Variants in KCNIP4 observed in about 807,000 individuals in gnomAD.
KCNIP4 encodes the protein potassium voltage-gated channel interacting protein 4.
Under a neutral mutation model 34.0 loss-of-function variants are expected in KCNIP4, and 12 were observed. The ratio of observed to expected loss-of-function variants is 0.35; its 90% CI spans 0.23 to 0.57. KCNIP4 has a LOEUF of 0.57. Among genes scored for constraint, KCNIP4 ranks in the 20% least tolerant of loss-of-function variants. The probability of loss-of-function intolerance (pLI) is 0.83; values close to 1 mark genes in which losing one functional copy is unlikely to be tolerated. For synonymous variants in KCNIP4, 124 were observed against 102.2 expected (o/e 1.21, Z -1.29); for missense variants, 238 against 311.7 (o/e 0.76, Z 1.78).
intron 1 of KCNIP4, among the ~76,000 whole-genome samples, chr4:21,627,771 G>T (rs1264495734): frequency 1.3e-5 from 2 of 152,124 alleles, no homozygotes; most frequent in Non-Finnish European, 2.9e-5. Flanking sequence ...GAGCTTGTAA[G>T]CACCAGATAA....
chr4:21,572,220 G>C (rs185875067), intron 1 of KCNIP4, among the ~76,000 whole-genome samples: 1 of 152,264 alleles, frequency 6.6e-6, no homozygotes, highest in Non-Finnish European at 1.5e-5. Flanking sequence ...AGGCAAGTAT[G>C]TGTTTTGGCT....
chr4:20,984,676 G>A (rs543365618), intron 1 of KCNIP4, among the ~76,000 whole-genome samples: 1 of 152,306 alleles, frequency 6.6e-6, no homozygotes, highest in South Asian at 2.1e-4. Context: ...GCATTATCAG[G>A]GAGATTGATT....
intron 2 of KCNIP4, 111 bp from the exon 3 acceptor site, chr4:20,850,778 A>G (rs751203200): frequency 1.5e-4 from 197 of 1,296,806 alleles, no homozygotes; most frequent in Non-Finnish European, 2.0e-4. Context: ...GTGACTGTCC[A>G]CAGAGGAAGG....
chr4:21,457,288 T>C (rs1729034054), intron 1 of KCNIP4, among the ~76,000 whole-genome samples: 1 of 152,072 alleles, frequency 6.6e-6, no homozygotes, highest in South Asian at 2.1e-4. Context: ...CCATGATCTC[T>C]TTTAATTCCT....
At chr4:21,273,728 A>T (rs1206859185) in intron 1 of KCNIP4, among the ~76,000 whole-genome samples, 2 of 152,202 alleles carry the variant, frequency 1.3e-5, no homozygotes, top group African/African-American at 4.8e-5. Context: ...CAATTCTTCC[A>T]ACTTTTTCTC....
intron 1 of KCNIP4, among the ~76,000 whole-genome samples, chr4:21,042,693 T>A (rs1280181022): frequency 1.3e-5 from 2 of 152,166 alleles, no homozygotes; most frequent in Non-Finnish European, 2.9e-5. Flanking sequence ...TTAGGAATGA[T>A]CTCATCACGA....
At chr4:20,821,971 C>G (rs1037658151) in intron 3 of KCNIP4, among the ~76,000 whole-genome samples, 1 of 151,880 alleles carries the variant, frequency 6.6e-6, no homozygotes, top group Non-Finnish European at 1.5e-5. Context: ...GCAAATTGTG[C>G]TGCTATAAAC....
chr4:21,764,763 T>G (rs1412105373), intron 1 of KCNIP4, among the ~76,000 whole-genome samples: 1 of 152,198 alleles, frequency 6.6e-6, no homozygotes, highest in East Asian at 1.9e-4. Context: ...TTCCCTGTCC[T>G]TTTTTGCTTG....
intron 1 of KCNIP4, among the ~76,000 whole-genome samples, chr4:21,522,548 A>T (rs1735630699): frequency 6.6e-6 from 1 of 152,046 alleles, no homozygotes; most frequent in East Asian, 1.9e-4. Context: ...TTTATGACTA[A>T]TCCTTTCTAC....
chr4:20,990,405 G>A lies in KCNIP4; in HGVS notation c.62-107696C>T, dbSNP rs191920785. Among the ~76,000 whole-genome samples the A allele has an allele frequency of 2.0e-4, 30 of 152,260 alleles. 1 individual carries two copies. The highest frequency in any genetic ancestry group is 2.0e-3 in the Admixed American group (30 of 15,292). On this transcript the variant is annotated intron_variant, in intron 1 of 8. Coordinates refer to ENST00000382152, the MANE Select transcript of KCNIP4 (RefSeq NM_025221.6). The stretch of plus-strand genomic sequence containing the variant: ...ACTTCTTTAAAATATGTATATGGAT[G>A]TCCATTAAACTATTAAGTACCACAG...
chr4:21,767,145 G>T (rs1201847013), intron 1 of KCNIP4, among the ~76,000 whole-genome samples: 1 of 152,108 alleles, frequency 6.6e-6, no homozygotes, highest in Non-Finnish European at 1.5e-5. Flanking sequence ...GCTTTAGAAA[G>T]GAATTTGCTT....
At chr4:21,437,730 G>A (rs1727070895) in intron 1 of KCNIP4, among the ~76,000 whole-genome samples, 1 of 152,110 alleles carries the variant, frequency 6.6e-6, no homozygotes, top group Non-Finnish European at 1.5e-5. Context: ...TAAGCCAGAT[G>A]GTAAAGAAAC....
chr4:21,623,379 G>A (rs1335641552), intron 1 of KCNIP4, among the ~76,000 whole-genome samples: 5 of 152,100 alleles, frequency 3.3e-5, no homozygotes, highest in Admixed American at 1.3e-4. Context: ...GGAAAATGCC[G>A]TATTCATCTT....
At chr4:21,598,042 A>T (rs1185117439) in intron 1 of KCNIP4, among the ~76,000 whole-genome samples, 2 of 152,136 alleles carry the variant, frequency 1.3e-5, no homozygotes, top group Non-Finnish European at 2.9e-5. Flanking sequence ...AAAAATTCAG[A>T]AAGCTGTAAA....
At chr4:21,559,763 A>G (rs1477589169) in intron 1 of KCNIP4, among the ~76,000 whole-genome samples, 1 of 152,128 alleles carries the variant, frequency 6.6e-6, no homozygotes, top group Non-Finnish European at 1.5e-5. Flanking sequence ...AAAATGTATT[A>G]TTAGTCGATG....
chr4:21,482,179 T>C (rs1194344128), intron 1 of KCNIP4, among the ~76,000 whole-genome samples: 2 of 152,002 alleles, frequency 1.3e-5, no homozygotes, highest in Non-Finnish European at 2.9e-5. Context: ...TCTTCCTCCA[T>C]CCCTTTATTT....
chr4:21,768,411 C>T (rs1718563357), intron 1 of KCNIP4, among the ~76,000 whole-genome samples: 1 of 151,998 alleles, frequency 6.6e-6, no homozygotes, highest in South Asian at 2.1e-4. Flanking sequence ...GATTTAAGTA[C>T]CCAAATGATT....
At chr4:21,203,328 T>C (rs1756625434) in intron 1 of KCNIP4, among the ~76,000 whole-genome samples, 1 of 150,432 alleles carries the variant, frequency 6.6e-6, no homozygotes, top group East Asian at 1.9e-4. Context: ...AGGTGTGTAT[T>C]GACTGGATGA....
intron 3 of KCNIP4, among the ~76,000 whole-genome samples, chr4:20,827,824 C>G (rs1461178289): frequency 7.9e-6 from 1 of 126,184 alleles, no homozygotes; most frequent in Non-Finnish European, 1.7e-5. Context: ...AAAAAAAAAA[C>G]AAAGAAAATA....
Sources: allele counts gnomAD v4.1 joint callset (sites outside exome capture counted in the v4.1 genomes callset), GRCh38; gene constraint gnomAD v4.1.1; transcripts MANE v1.5; gene names NCBI Gene and HGNC (gene_info 2026-07-23, HGNC 2026-07-21).